NEGR1: variants seen among roughly 807,000 people sequenced by gnomAD.
NEGR1 encodes the protein neuronal growth regulator 1.
In NEGR1, 10 loss-of-function variants were observed where a neutral mutation model predicts 40.9. That is an observed-to-expected ratio of 0.24 (90% CI 0.15 to 0.42). NEGR1 has a LOEUF of 0.42. Among genes scored for constraint, NEGR1 ranks in the 10% least tolerant of loss-of-function variants. The pLI is 1.00. For synonymous variants in NEGR1, 185 were observed against 166.8 expected (o/e 1.11, Z -0.84); for missense variants, 352 against 438.9 (o/e 0.80, Z 1.77).
chr1:72,235,831 G>A (rs934975484), intron 1 of NEGR1, among the ~76,000 whole-genome samples: 7 of 151,888 alleles, frequency 4.6e-5, no homozygotes, highest in African/African-American at 1.7e-4. Flanking sequence ...AAAAAATTAG[G>A]GTTGTTAGCA....
intron 6 of NEGR1, among the ~76,000 whole-genome samples, chr1:71,426,468 A>T (rs1646429216): frequency 6.6e-6 from 1 of 152,228 alleles, no homozygotes; most frequent in South Asian, 2.1e-4. Context: ...TCACGATGAC[A>T]AATCAGCCTG....
chr1:71,939,799 C>T (rs1334365475), intron 1 of NEGR1, among the ~76,000 whole-genome samples: 1 of 152,076 alleles, frequency 6.6e-6, no homozygotes, highest in Non-Finnish European at 1.5e-5. Context: ...CCTTTTAAAC[C>T]ATTAGACATT....
intron 1 of NEGR1, among the ~76,000 whole-genome samples, chr1:72,130,528 G>A (rs186590658): frequency 8.0e-4 from 122 of 152,156 alleles, no homozygotes; most frequent in Admixed American, 1.5e-3. Context: ...TGAACCTGGC[G>A]TTTAGTGCTT....
At chr1:72,246,261 C>A (rs1216363251) in intron 1 of NEGR1, among the ~76,000 whole-genome samples, 1 of 152,138 alleles carries the variant, frequency 6.6e-6, no homozygotes, top group African/African-American at 2.4e-5. Flanking sequence ...TCCAAATTAT[C>A]GCCATTTATA....
At chr1:72,145,912 C>T (rs1650890025) in intron 1 of NEGR1, among the ~76,000 whole-genome samples, 1 of 151,966 alleles carries the variant, frequency 6.6e-6, no homozygotes, top group African/African-American at 2.4e-5. Context: ...TCTGCTGTGA[C>T]CTATTGTTTT....
At position 71,624,683 on chromosome 1, in the gene NEGR1, C is replaced by T. The variant is rs563355529; in HGVS notation, c.668-13537G>A. On this transcript the variant is annotated intron_variant, in intron 4 of 6. Transcript: ENST00000357731. ...CTTCCTCAGTCTGGAATAGTCATCC[C>T]TCAGATATTGACATGTCGTGCTTAC... is the stretch of plus-strand genomic sequence containing the variant. Among the ~76,000 whole-genome samples the T allele has an allele frequency of 7.2e-5, 11 of 151,974 alleles. No homozygotes were observed. The South Asian group carries it at 2.3e-3, about 32-fold the overall frequency.
intron 3 of NEGR1, among the ~76,000 whole-genome samples, chr1:71,756,418 A>T (rs1557640520): frequency 6.6e-6 from 1 of 151,412 alleles, no homozygotes; most frequent in Admixed American, 6.6e-5. Flanking sequence ...AAACAAAAAA[A>T]AAAAACCAAA....
At chr1:71,565,274 A>G (rs1437038644) in intron 6 of NEGR1, among the ~76,000 whole-genome samples, 1 of 152,152 alleles carries the variant, frequency 6.6e-6, no homozygotes, top group Non-Finnish European at 1.5e-5. Flanking sequence ...TAGGGAATTA[A>G]GACATATTCA....
chr1:72,016,366 T>G (rs1646710498), intron 1 of NEGR1, among the ~76,000 whole-genome samples: 1 of 152,130 alleles, frequency 6.6e-6, no homozygotes, highest in African/African-American at 2.4e-5. Flanking sequence ...TGACGTTAAC[T>G]CTTTTAAGGT....
Position 72,115,853 on chromosome 1 carries a change from G to A in NEGR1, c.176+166466C>T, listed in dbSNP as rs75019891. On this transcript the variant is annotated intron_variant, in intron 1 of 6. Transcript: ENST00000357731. The stretch of plus-strand genomic sequence containing the variant: ...TTCTGTGGTGCCATCCTTATGGTGG[G>A]GTGGGTGCCAAAGCACTTCTGATAA... Among the ~76,000 whole-genome samples the A allele has an allele frequency of 6.1e-3, 921 of 151,736 alleles. 4 individuals are homozygous for A. Among genetic ancestry groups the A allele is most frequent in the Non-Finnish European group, 0.011 (723 of 67,790 alleles).
intron 2 of NEGR1, among the ~76,000 whole-genome samples, chr1:71,898,545 C>G (rs1661035650): frequency 6.6e-6 from 1 of 151,962 alleles, no homozygotes; most frequent in Admixed American, 6.6e-5. Flanking sequence ...AACCCGGGAG[C>G]CAGAGCTTGC....
rs117680418 is a variant in NEGR1 at position 71,952,340 on chromosome 1, G to A, written c.177-17029C>T. On this transcript the variant is annotated intron_variant, in intron 1 of 6. Transcript: ENST00000357731. The stretch of plus-strand genomic sequence containing the variant: ...TAAACAGCCTTTTTGCTGATATGAG[G>A]AAAATTTTAGTGGTCTGGATAGAAG... Among the ~76,000 whole-genome samples the A allele has an allele frequency of 6.4e-3, 975 of 151,956 alleles. 30 individuals are homozygous for A. The highest frequency in any genetic ancestry group is 0.057 in the East Asian group (292 of 5,168).
At chr1:71,463,492 C>G (rs1273303615) in intron 6 of NEGR1, 1 of 152,010 alleles carries the variant, frequency 6.6e-6, no homozygotes, top group Non-Finnish European at 1.5e-5. Flanking sequence ...CACCTACTGA[C>G]AAGATAAATG....
chr1:72,243,787 C>T (rs1654821706), intron 1 of NEGR1, among the ~76,000 whole-genome samples: 2 of 151,778 alleles, frequency 1.3e-5, no homozygotes, highest in Non-Finnish European at 1.5e-5. Context: ...GCCTCATATG[C>T]ATTACCTATA....
chr1:72,076,682 G>C (rs887711453), intron 1 of NEGR1, among the ~76,000 whole-genome samples: 1 of 152,070 alleles, frequency 6.6e-6, no homozygotes, highest in Non-Finnish European at 1.5e-5. Flanking sequence ...GTGTGTGTAT[G>C]TATATGTGTG....
intron 6 of NEGR1, among the ~76,000 whole-genome samples, chr1:71,554,185 C>T (rs987037020): frequency 4.6e-5 from 7 of 151,376 alleles, no homozygotes; most frequent in African/African-American, 1.7e-4. Context: ...CATTTTAGCC[C>T]CCAAAATTTC....
rs1427161281 is a variant in NEGR1 at position 71,826,657 on chromosome 1, C to T, written c.410-50360G>A. ...TTTTCTGTGTAAAGAAGTGTGTTTG[C>T]ACTGACTTGGTTTGAACCTCACAAC... On this transcript the variant is annotated intron_variant, in intron 2 of 6. Coordinates refer to ENST00000357731, the MANE Select transcript of NEGR1 (RefSeq NM_173808.3). Among the ~76,000 whole-genome samples, 4 of 151,582 alleles carry T rather than the reference C, an allele frequency of 2.6e-5. No homozygotes were observed. The East Asian group carries it at 7.8e-4, about 30-fold the overall frequency.
intron 3 of NEGR1, among the ~76,000 whole-genome samples, chr1:71,707,011 C>T (rs1455019613): frequency 1.3e-5 from 2 of 152,068 alleles, no homozygotes; most frequent in Non-Finnish European, 2.9e-5. Context: ...GGAAGGAAAA[C>T]GAGATCAAAC....
chr1:71,510,491 C>T (rs1647065362), intron 6 of NEGR1, among the ~76,000 whole-genome samples: 2 of 152,156 alleles, frequency 1.3e-5, no homozygotes, highest in African/African-American at 2.4e-5. Context: ...ATGTAACAAA[C>T]CACATGGCTC....
Sources: gnomAD v4.1 joint callset for allele counts (sites outside exome capture counted in the v4.1 genomes callset) on GRCh38, gnomAD v4.1.1 for gene constraint, MANE v1.5 for transcripts, NCBI Gene and HGNC (gene_info 2026-07-23, HGNC 2026-07-21) for gene names.